The following HTD2 variants were observed in gnomAD, a reference collection of about 807,000 sequenced individuals.
The protein encoded by HTD2 is hydroxyacyl-thioester dehydratase type 2.
Under a neutral mutation model 3.1 loss-of-function variants are expected in HTD2, and 1 was observed. The ratio of observed to expected loss-of-function variants is 0.32; its 90% CI spans 0.11 to 1.52. HTD2 has a LOEUF of 1.52. HTD2 is among the 40% of genes most tolerant of loss of function. HTD2 has a pLI of 0.39. For synonymous variants in HTD2, 50 were observed against 28.9 expected (o/e 1.73, Z -2.34); for missense variants, 150 against 79.6 (o/e 1.88, Z -3.36).
rs1463361416 is a variant in HTD2, at chr3:58,317,807, C to T, written c.194C>T (p.Pro65Leu). The part of the protein sequence containing the change: ...TFSELTGDVN[P>L]LHLNEDFAKH... ...TCAGAATTAACAGGGGATGTCAATC[C>T]TTTGCATTTGAATGAAGACTTTGCA... The change falls in exon 5 of 5, where the codon CCT becomes CTT. Residue 65 changes from proline to leucine, a missense_variant. By Grantham distance (98) the Pro-to-Leu change is moderately conservative. Coordinates refer to ENST00000461393, the MANE Select transcript of HTD2 (RefSeq NM_001348712.2). 1.4e-6 allele frequency: 1 copy of T among 703,022 alleles called. No individual in the cohort carries two copies. The allele number at this position is 703,022 out of a possible 1,614,324, so 43.5% of individuals were successfully genotyped here.
chr3:58,309,110 C>G (rs1041955670), intron 1 of HTD2, among the ~76,000 whole-genome samples: 2 of 152,250 alleles, frequency 1.3e-5, no homozygotes, highest in Admixed American at 1.3e-4. Flanking sequence ...TGAGAGCAGG[C>G]AGACACAGGA....
chr3:58,318,315 G>A lies in HTD2; in HGVS notation c.*195G>A, dbSNP rs768906153. 1 of 463,016 alleles carries A rather than the reference G, an allele frequency of 2.2e-6. No homozygotes were observed. The highest frequency in any genetic ancestry group is 2.0e-5 in the African/African-American group (1 of 49,772). 28.7% of individuals were successfully genotyped at this position (463,016 alleles called of 1,614,324 possible). On this transcript the variant is annotated 3_prime_UTR_variant, in exon 5 of 5. Transcript: ENST00000461393. ...ATGCTTCATGCAGACTTGAGTGTAT[G>A]CAGGATTTCATTATCTGCCTGGGTT...
chr3:58,308,662 C>T (rs1312625368), intron 1 of HTD2, among the ~76,000 whole-genome samples: 1 of 152,178 alleles, frequency 6.6e-6, no homozygotes, highest in African/African-American at 2.4e-5. Context: ...GTGGTTGGAA[C>T]TGGGTCTAAC....
rs143462398 is a variant in HTD2, at chr3:58,317,411, A to G, written c.-174-29A>G. The stretch of plus-strand genomic sequence containing the variant: ...CTGTGCTTCAGTGTGGTTTCTCCCA[A>G]TGCCTTAACCTTTTTCTTTCTCTTC... On this transcript the variant is annotated intron_variant, in intron 4 of 4. Coordinates refer to ENST00000461393, the MANE Select transcript of HTD2 (RefSeq NM_001348712.2). 1.0e-3 allele frequency: 1,585 copies of G among 1,519,668 alleles called. 16 individuals are homozygous for G. The African/African-American group carries it at 0.02, about 19-fold the overall frequency. 94.1% of individuals were successfully genotyped at this position (1,519,668 alleles called of 1,614,324 possible). A position where few individuals can be genotyped will look rare whatever the true frequency, so the allele number is the denominator to read the frequency against.
chr3:58,314,084 C>G (rs1167680309), intron 2 of HTD2, among the ~76,000 whole-genome samples: 1 of 152,192 alleles, frequency 6.6e-6, no homozygotes, highest in Non-Finnish European at 1.5e-5. Context: ...GGCGTGGTGG[C>G]TCATGCCTGT....
At chr3:58,309,561 C>T (rs1024750870) in intron 1 of HTD2, among the ~76,000 whole-genome samples, 1 of 152,116 alleles carries the variant, frequency 6.6e-6, no homozygotes, top group African/African-American at 2.4e-5. Flanking sequence ...TTAGTTTGAT[C>T]AGAATTAGAT....
rs528387751 is a variant in HTD2 at position 58,317,852 on chromosome 3, A to G, written c.239A>G (p.Asn80Ser). The G allele has an allele frequency of 1.4e-6, 1 of 702,930 alleles. No individual in the cohort carries two copies. The highest frequency in any genetic ancestry group is 2.6e-6 in the Non-Finnish European group (1 of 385,010). 43.5% of individuals were successfully genotyped at this position (702,930 alleles called of 1,614,324 possible). A position where few individuals can be genotyped will look rare whatever the true frequency, so the allele number is the denominator to read the frequency against. ...EDFAKHTKFG[N>S]TIVHGVLING... ...TTTGCAAAACACACCAAGTTTGGAA[A>G]TACAATTGTACATGGAGTTTTGATC... The change falls in exon 5 of 5, where the codon AAT becomes AGT. Residue 80 changes from asparagine (N) to serine (S), a missense_variant. Transcript: ENST00000461393.
chr3:58,307,835 C>T (rs1434747780), intron 1 of HTD2: 1 of 151,826 alleles, frequency 6.6e-6, no homozygotes, highest in Admixed American at 6.6e-5. Flanking sequence ...TCAGAACAGC[C>T]TGCAGAGGGC....
At chr3:58,306,735 T>A (rs1012427815) in intron 1 of HTD2, 84 bp downstream of exon 1, 2 of 152,244 alleles carry the variant, frequency 1.3e-5, no homozygotes, top group Admixed American at 1.3e-4. Context: ...TTTAAAGTGA[T>A]TGATTTAGTC....
At position 58,316,931 on chromosome 3, in the gene HTD2, T is replaced by G; in HGVS notation, c.-237T>G. On this transcript the variant is annotated 5_prime_UTR_variant, in exon 4 of 5. Transcript: ENST00000461393. The stretch of plus-strand genomic sequence containing the variant: ...TTTCTGCAGTGGTCTTGTCAAATTG[T>G]GGAGCTCTTTGACCCTGTTAGGATC... The G allele has an allele frequency of 1.2e-6, 2 of 1,613,786 alleles. No individual in the cohort carries two copies. Among genetic ancestry groups the G allele is most frequent in the Non-Finnish European group, 1.7e-6 (2 of 1,179,754 alleles).
Position 58,316,900 on chromosome 3 carries a change from T to C in HTD2, c.-253-15T>C, listed in dbSNP as rs1274069355. 1 of 1,606,660 alleles carries C rather than the reference T, an allele frequency of 6.2e-7. No individual in the cohort carries two copies. Among genetic ancestry groups the C allele is most frequent in the Non-Finnish European group, 8.5e-7 (1 of 1,174,684 alleles). On this transcript the variant is annotated splice_polypyrimidine_tract_variant and intron_variant, in intron 3 of 4. Transcript: ENST00000461393. ...TGTCTATGACACACTATGTATTTTC[T>C]TGATCTTTCTGCAGTGGTCTTGTCA... is the stretch of plus-strand genomic sequence containing the variant.
chr3:58,308,699 A>ATAG (rs2097478465), intron 1 of HTD2, among the ~76,000 whole-genome samples: 2 of 152,232 alleles, frequency 1.3e-5, no homozygotes, highest in South Asian at 4.1e-4. Context: ...ATGCTGGTCC[A>ATAG]TAGCTCTGTG....
Position 58,312,685 on chromosome 3 carries a change from G to A in HTD2, c.-331+2094G>A, listed in dbSNP as rs545061165. ...ATGAGAAAGTCTCCTTATGGGCCAG[G>A]CGCAGTGGCTCACTCCTATAATCCC... is the stretch of plus-strand genomic sequence containing the variant. On this transcript the variant is annotated intron_variant, in intron 2 of 4. Transcript: ENST00000461393. 3.3e-5 allele frequency among the ~76,000 whole-genome samples: 5 copies of A among 152,212 alleles called. No homozygotes were observed. The South Asian group carries it at 1.0e-3, about 32-fold the overall frequency.
chr3:58,314,555 A>G (rs13080398), intron 2 of HTD2, among the ~76,000 whole-genome samples: 10,675 of 152,188 alleles, frequency 0.07, 495 homozygotes, highest in South Asian at 0.1. Context: ...ACCTAGCAGA[A>G]TGACTGAAAT....
At chr3:58,317,333 C>A in intron 4 of HTD2, 107 bp from the exon 5 acceptor site, 1 of 725,404 alleles carries the variant, frequency 1.4e-6, no homozygotes, top group Non-Finnish European at 2.4e-6. Context: ...CTGTAAAATG[C>A]TCCTGCATCA....
chr3:58,314,875 C>T (rs554158421), intron 2 of HTD2, among the ~76,000 whole-genome samples: 116 of 151,864 alleles, frequency 7.6e-4, no homozygotes, highest in African/African-American at 1.5e-3. Flanking sequence ...TTAGTGGAGA[C>T]GGGGTTTCAC....
At chr3:58,317,332 G>A (rs969635906) in intron 4 of HTD2, 108 bp from the exon 5 acceptor site, 5 of 716,098 alleles carry the variant, frequency 7.0e-6, no homozygotes, top group South Asian at 1.8e-5. Context: ...TCTGTAAAAT[G>A]CTCCTGCATC....
chr3:58,308,731 T>G (rs778120604), intron 1 of HTD2, among the ~76,000 whole-genome samples: 2 of 152,224 alleles, frequency 1.3e-5, no homozygotes, highest in Non-Finnish European at 2.9e-5. Flanking sequence ...GTCCCTTTCC[T>G]TGATTGGGCC....
intron 2 of HTD2, among the ~76,000 whole-genome samples, chr3:58,314,178 C>T (rs75685424): frequency 0.046 from 6,961 of 152,060 alleles, 555 homozygotes; most frequent in African/African-American, 0.16. Context: ...TGGCAAAACC[C>T]TGTCTCTGCT....
Sources: allele counts gnomAD v4.1 joint callset (sites outside exome capture counted in the v4.1 genomes callset), GRCh38; gene constraint gnomAD v4.1.1; transcripts MANE v1.5; gene names NCBI Gene and HGNC (gene_info 2026-07-23, HGNC 2026-07-21).